The following ZC3H6 variants were observed in gnomAD, a reference collection of about 807,000 sequenced individuals.
ZC3H6 encodes the protein zinc finger CCCH domain-containing protein 6.
Under a neutral mutation model 107.7 loss-of-function variants are expected in ZC3H6, and 40 were observed. The ratio of observed to expected loss-of-function variants is 0.37; its 90% confidence interval spans 0.29 to 0.48. The LOEUF (loss-of-function observed/expected upper bound fraction) is 0.48, where lower values mean the gene tolerates loss of function less well. Among genes scored for constraint, ZC3H6 ranks in the 20% least tolerant of loss-of-function variants. The pLI, the probability that ZC3H6 is intolerant of heterozygous loss-of-function variation, is 0.98. For synonymous variants in ZC3H6, 493 were observed against 487.9 expected, an observed-to-expected ratio of 1.01 and a Z score of -0.14; for missense variants, 1,267 against 1,410.4, an observed-to-expected ratio of 0.90 and a Z score of 1.63.
intron 1 of ZC3H6, among the ~76,000 whole-genome samples, chr2:112,281,334 G>A (rs1028438770): frequency 6.6e-6 from 1 of 152,156 alleles, no homozygotes; most frequent in Non-Finnish European, 1.5e-5. Context: ...TGGTATGATT[G>A]AGGAAAACAC....
intron 3 of ZC3H6, among the ~76,000 whole-genome samples, chr2:112,304,105 C>T (rs1163849875): frequency 2.0e-5 from 3 of 152,160 alleles, no homozygotes; most frequent in Non-Finnish European, 2.9e-5. Flanking sequence ...AATTTCTCTA[C>T]ATCCTTGCCA....
intron 1 of ZC3H6, among the ~76,000 whole-genome samples, chr2:112,288,953 AT>A (rs1344566525): frequency 3.9e-5 from 6 of 152,156 alleles, no homozygotes; most frequent in Admixed American, 3.3e-4. Flanking sequence ...TATTAATAAA[AT>A]AGTTTTCATT....
Position 112,334,418 on chromosome 2 carries a change from A to G in ZC3H6, c.*1930A>G, listed in dbSNP as rs1324486697. 2 of 152,170 alleles carry G rather than the reference A, an allele frequency of 1.3e-5. No individual in the cohort carries two copies. Among genetic ancestry groups the G allele is most frequent in the Non-Finnish European group, 2.9e-5 (2 of 67,994 alleles). 9.4% of individuals were successfully genotyped at this position (152,170 alleles called of 1,614,324 possible). On this transcript the variant is annotated 3_prime_UTR_variant, in exon 12 of 12. Coordinates refer to ENST00000409871, the MANE Select transcript of ZC3H6 (RefSeq NM_198581.3). ...ACATTTTAAGCATCATACAAAAAAG[A>G]TAATTTGGCTTGCTAAACATCAAAA... is the stretch of plus-strand genomic sequence containing the variant.
chr2:112,330,716 A>T (rs962376256), intron 11 of ZC3H6, among the ~76,000 whole-genome samples: 17 of 152,172 alleles, frequency 1.1e-4, no homozygotes, highest in Admixed American at 6.5e-4. Flanking sequence ...AGGACATTAC[A>T]CATATTCTAG....
chr2:112,327,146 T>C (rs1200063319), intron 11 of ZC3H6, among the ~76,000 whole-genome samples: 1 of 152,168 alleles, frequency 6.6e-6, no homozygotes, highest in Non-Finnish European at 1.5e-5. Context: ...CAACGGTGTA[T>C]GAAGGTTCTC....
intron 5 of ZC3H6, among the ~76,000 whole-genome samples, chr2:112,315,351 T>C (rs1274227781): frequency 6.6e-6 from 1 of 152,184 alleles, no homozygotes; most frequent in Non-Finnish European, 1.5e-5. Context: ...TAAGTTTTTT[T>C]CTTAACTTTT....
chr2:112,330,296 G>A (rs371250958), intron 11 of ZC3H6, among the ~76,000 whole-genome samples: 1 of 151,910 alleles, frequency 6.6e-6, no homozygotes, highest in African/African-American at 2.4e-5. Context: ...CTCGTGATCC[G>A]CCCACCTCGG....
chr2:112,323,390 C>A (rs1676842036), intron 9 of ZC3H6, among the ~76,000 whole-genome samples: 1 of 152,128 alleles, frequency 6.6e-6, no homozygotes, highest in South Asian at 2.1e-4. Context: ...GTTGAGCATT[C>A]GTTTAGTCCT....
At chr2:112,326,154 T>A (rs1676902979) in intron 11 of ZC3H6, among the ~76,000 whole-genome samples, 2 of 152,182 alleles carry the variant, frequency 1.3e-5, no homozygotes, top group Non-Finnish European at 2.9e-5. Context: ...TGCATAATAA[T>A]CACATCAGGG....
chr2:112,314,911 T>A (rs4399734), intron 5 of ZC3H6, among the ~76,000 whole-genome samples: 77,494 of 151,976 alleles, frequency 0.51, 21,950 homozygotes, highest in East Asian at 0.77. Flanking sequence ...TCTGTTTACT[T>A]TGTATTCTTG....
rs1403548183 is a variant in ZC3H6 at position 112,332,128 on chromosome 2, C to G, written c.3210C>G (p.Asn1070Lys). Residue 1070 changes from asparagine (N) to lysine (K), a missense_variant, in exon 12 of 12, where the codon AAC becomes AAG. Coordinates refer to ENST00000409871, the MANE Select transcript of ZC3H6 (RefSeq NM_198581.3). ...SELATASSGE[N>K]SKNQKKSGGL... Reference sequence around the variant, plus strand: ...TAGCAACAGCTTCTTCAGGAGAAAACTCAAAGAACCAGAAAAAAAGTGGTG... The same window carrying G: ...TAGCAACAGCTTCTTCAGGAGAAAAGTCAAAGAACCAGAAAAAAAGTGGTG... 15 of 1,613,962 alleles carry G rather than the reference C, an allele frequency of 9.3e-6. No individual in the cohort carries two copies. The highest frequency in any genetic ancestry group is 1.2e-5 in the Non-Finnish European group (14 of 1,179,864).
rs1171810638 is a variant in ZC3H6, at chr2:112,338,760, C to T, written c.*6272C>T. 6.7e-6 allele frequency: 1 copy of T among 149,966 alleles called. No homozygotes were observed. Among genetic ancestry groups the T allele is most frequent in the East Asian group, 1.9e-4 (1 of 5,152 alleles). The allele number at this position is 149,966 out of a possible 1,614,324, so 9.3% of individuals were successfully genotyped here. On this transcript the variant is annotated 3_prime_UTR_variant, in exon 12 of 12. Coordinates refer to ENST00000409871, the MANE Select transcript of ZC3H6 (RefSeq NM_198581.3). ...TGTAAAGAAATTAAATATATAGAGGCTCAATTAAAAAATAACCATATTCTC... is the reference window on the plus strand; with the variant it reads ...TGTAAAGAAATTAAATATATAGAGGTTCAATTAAAAAATAACCATATTCTC...
At chr2:112,282,844 A>G (rs1232364385) in intron 1 of ZC3H6, among the ~76,000 whole-genome samples, 1 of 152,220 alleles carries the variant, frequency 6.6e-6, no homozygotes, top group East Asian at 1.9e-4. Flanking sequence ...TGATAAAGTG[A>G]TAATCTCAGC....
intron 1 of ZC3H6, among the ~76,000 whole-genome samples, chr2:112,291,075 T>C (rs1361706270): frequency 6.6e-6 from 1 of 152,266 alleles, no homozygotes; most frequent in Non-Finnish European, 1.5e-5. Context: ...AACTTTTGTT[T>C]CCTGAAGCTC....
chr2:112,338,391 G>A lies in ZC3H6; in HGVS notation c.*5903G>A, dbSNP rs1677170384. The A allele has an allele frequency of 6.6e-6, 1 of 152,070 alleles. No individual in the cohort carries two copies. The highest frequency in any genetic ancestry group is 2.4e-5 in the African/African-American group (1 of 41,400). 9.4% of individuals were successfully genotyped at this position (152,070 alleles called of 1,614,324 possible). On this transcript the variant is annotated 3_prime_UTR_variant, in exon 12 of 12. Coordinates refer to ENST00000409871, the MANE Select transcript of ZC3H6 (RefSeq NM_198581.3). The stretch of plus-strand genomic sequence containing the variant: ...ACTCTAATTTTGGGTCTTGTATCTG[G>A]TCTTTAAACACCTTTCGTTACCCTT...
chr2:112,311,186 C>A (rs1293916925), intron 4 of ZC3H6, among the ~76,000 whole-genome samples: 1 of 152,198 alleles, frequency 6.6e-6, no homozygotes, highest in Admixed American at 6.5e-5. Context: ...CCCAGCTACT[C>A]AGGAAGCTGA....
intron 3 of ZC3H6, among the ~76,000 whole-genome samples, chr2:112,307,774 G>A (rs1676505365): frequency 6.6e-6 from 1 of 152,144 alleles, no homozygotes. Flanking sequence ...GGACTATTAA[G>A]AATATTTACA....
At chr2:112,288,815 G>A (rs1573947302) in intron 1 of ZC3H6, among the ~76,000 whole-genome samples, 4 of 152,220 alleles carry the variant, frequency 2.6e-5, no homozygotes, top group East Asian at 3.9e-4. Flanking sequence ...ATTTCATTTG[G>A]TTTTTGTTTT....
In ZC3H6 at chr2:112,275,954, C is replaced by T. The variant is rs768720657; in HGVS notation, c.-41C>T. ...CCCCGCGCCCCGCCGCCGCCGGCCTCGCAGACCTGCCCTCCAGCCCCGCCC... is the reference window on the plus strand; with the variant it reads ...CCCCGCGCCCCGCCGCCGCCGGCCTTGCAGACCTGCCCTCCAGCCCCGCCC... On this transcript the variant is annotated 5_prime_UTR_variant, in exon 1 of 12. Transcript: ENST00000409871. The T allele has an allele frequency of 2.6e-6, 4 of 1,515,162 alleles. No homozygotes were observed. Among genetic ancestry groups the T allele is most frequent in the Non-Finnish European group, 3.5e-6 (4 of 1,131,000 alleles). 93.9% of individuals were successfully genotyped at this position (1,515,162 alleles called of 1,614,324 possible).
Sources: allele counts gnomAD v4.1 joint callset (sites outside exome capture counted in the v4.1 genomes callset), GRCh38; gene constraint gnomAD v4.1.1; transcripts MANE v1.5; gene names NCBI Gene and HGNC (gene_info 2026-07-23, HGNC 2026-07-21).